Variants in KCNH5 observed in about 807,000 individuals in gnomAD.
KCNH5 encodes potassium voltage-gated channel subfamily H member 5.
A neutral mutation model predicts 96.1 loss-of-function variants in KCNH5; 46 were observed. The ratio of observed to expected loss-of-function variants is 0.48; its 90% CI spans 0.38 to 0.61. The LOEUF is 0.61. Among genes scored for constraint, KCNH5 ranks in the 20% least tolerant of loss-of-function variants. The pLI, the probability that KCNH5 is intolerant of heterozygous loss-of-function variation, is 0.00. For synonymous variants in KCNH5, 439 were observed against 449.8 expected, an observed-to-expected ratio of 0.98 and a Z score of 0.30; for missense variants, 907 against 1,225.8, an observed-to-expected ratio of 0.74 and a Z score of 3.88.
Position 63,022,934 on chromosome 14 carries a change from G to A in KCNH5, c.74-5980C>T, listed in dbSNP as rs187255054. ...AATTAATGTATATCTGGCCAGGCAC[G>A]GTGACTCACACTTGTAATCCCAGCA... On this transcript the variant is annotated intron_variant, in intron 1 of 10. Coordinates refer to ENST00000322893, the MANE Select transcript of KCNH5 (RefSeq NM_139318.5). Among the ~76,000 whole-genome samples, 133 of 152,112 alleles carry A rather than the reference G, an allele frequency of 8.7e-4. 1 individual carries two copies. Among genetic ancestry groups the A allele is most frequent in the Middle Eastern group, 3.4e-3 (1 of 294 alleles).
At chr14:62,854,410 A>G (rs770560550) in intron 7 of KCNH5, among the ~76,000 whole-genome samples, 4 of 152,212 alleles carry the variant, frequency 2.6e-5, no homozygotes, top group Non-Finnish European at 4.4e-5. Context: ...ATAAATATAC[A>G]GAAGGAATAT....
intron 7 of KCNH5, among the ~76,000 whole-genome samples, chr14:62,945,978 G>T (rs1889879708): frequency 1.3e-5 from 2 of 152,014 alleles, no homozygotes; most frequent in South Asian, 4.1e-4. Context: ...CACATTGGAG[G>T]GATTTGAGCA....
intron 8 of KCNH5, among the ~76,000 whole-genome samples, chr14:62,840,698 G>A (rs1174089565): frequency 6.7e-6 from 1 of 148,862 alleles, no homozygotes; most frequent in Non-Finnish European, 1.5e-5. Context: ...AGCCTCCGAA[G>A]TAGCTGGATT....
At chr14:62,999,844 C>T (rs1480645282) in intron 4 of KCNH5, among the ~76,000 whole-genome samples, 4 of 148,442 alleles carry the variant, frequency 2.7e-5, no homozygotes, top group African/African-American at 1.0e-4. Flanking sequence ...GCACATGTAC[C>T]CTAAAACTTA....
At chr14:62,856,277 A>G (rs371689213) in intron 7 of KCNH5, among the ~76,000 whole-genome samples, 10 of 152,118 alleles carry the variant, frequency 6.6e-5, no homozygotes, top group African/African-American at 2.4e-4. Flanking sequence ...GCATCTCTCC[A>G]TCTCCTTATT....
chr14:62,976,936 G>A (rs970640575), intron 6 of KCNH5, among the ~76,000 whole-genome samples: 1 of 152,158 alleles, frequency 6.6e-6, no homozygotes, highest in African/African-American at 2.4e-5. Flanking sequence ...AGAACTTTGT[G>A]GTTGAATTAG....
intron 7 of KCNH5, among the ~76,000 whole-genome samples, chr14:62,851,809 T>C (rs1887812796): frequency 6.6e-6 from 1 of 152,140 alleles, no homozygotes; most frequent in African/African-American, 2.4e-5. Flanking sequence ...TTTGGCTCTC[T>C]AAGATGCTTG....
At position 62,862,806 on chromosome 14, in the gene KCNH5, G is replaced by T. The variant is rs981314851; in HGVS notation, c.1370-12954C>A. 5.9e-5 allele frequency among the ~76,000 whole-genome samples: 9 copies of T among 152,160 alleles called. 1 individual carries two copies. The highest frequency in any genetic ancestry group is 2.2e-4 in the African/African-American group (9 of 41,428). ...CCAACTAATGCATCAGCTAAATGTAGCTGCCTGAGGAAACCCAAGCTAAAT... is the reference window on the plus strand; with the variant it reads ...CCAACTAATGCATCAGCTAAATGTATCTGCCTGAGGAAACCCAAGCTAAAT... On this transcript the variant is annotated intron_variant, in intron 7 of 10. Coordinates refer to ENST00000322893, the MANE Select transcript of KCNH5 (RefSeq NM_139318.5).
chr14:62,948,931 C>T (rs1265703939), intron 7 of KCNH5, among the ~76,000 whole-genome samples: 5 of 150,518 alleles, frequency 3.3e-5, no homozygotes, highest in Admixed American at 1.3e-4. Flanking sequence ...TCAATAGATG[C>T]AGAAAAGGCC....
chr14:62,949,160 G>C (rs1889951725), intron 7 of KCNH5, among the ~76,000 whole-genome samples: 2 of 152,100 alleles, frequency 1.3e-5, no homozygotes, highest in Admixed American at 1.3e-4. Context: ...TTCTGGCCAG[G>C]GCAATTAGGC....
At chr14:62,915,724 A>G (rs2080046162) in intron 7 of KCNH5, among the ~76,000 whole-genome samples, 1 of 152,196 alleles carries the variant, frequency 6.6e-6, no homozygotes, top group Non-Finnish European at 1.5e-5. Context: ...TCAGTGCTTA[A>G]AAACAGTAAT....
At chr14:62,932,704 A>C (rs2140116938) in intron 7 of KCNH5, among the ~76,000 whole-genome samples, 1 of 152,266 alleles carries the variant, frequency 6.6e-6, no homozygotes, top group South Asian at 2.1e-4. Flanking sequence ...AATACTGGGA[A>C]CTAAAAAAAG....
At position 62,701,269 on chromosome 14, in the gene KCNH5, G is replaced by C. The variant is rs921521988; in HGVS notation, c.*6239C>G. 6.6e-6 allele frequency: 1 copy of C among 152,074 alleles called. No individual in the cohort carries two copies. Among genetic ancestry groups the C allele is most frequent in the Non-Finnish European group, 1.5e-5 (1 of 67,994 alleles). 9.4% of individuals were successfully genotyped at this position (152,074 alleles called of 1,614,324 possible). On this transcript the variant is annotated 3_prime_UTR_variant, in exon 11 of 11. Coordinates refer to ENST00000322893, the MANE Select transcript of KCNH5 (RefSeq NM_139318.5). The stretch of plus-strand genomic sequence containing the variant: ...ACAAGCTTTCAAACTGCTTCCAAAG[G>C]TTTTTGTTAAAACCTTAATGACAAT...
At chr14:62,966,693 A>C (rs75045782) in intron 6 of KCNH5, among the ~76,000 whole-genome samples, 2 of 152,074 alleles carry the variant, frequency 1.3e-5, no homozygotes, top group Non-Finnish European at 1.5e-5. Flanking sequence ...AGACCTATTA[A>C]CTCTTTAGTG....
Position 62,708,464 on chromosome 14 carries a change from C to A in KCNH5, c.2020-9G>T, listed in dbSNP as rs1414902567. 5 of 1,556,188 alleles carry A rather than the reference C, an allele frequency of 3.2e-6. No homozygotes were observed. Among genetic ancestry groups the A allele is most frequent in the Non-Finnish European group, 3.5e-6 (4 of 1,144,528 alleles). The stretch of plus-strand genomic sequence containing the variant: ...ATCTTACGAAAGATGATCTGTGGAA[C>A]GGGAGAGATAGTCACAGCCTGATTA... On this transcript the variant is annotated splice_polypyrimidine_tract_variant and intron_variant, in intron 10 of 10. Transcript: ENST00000322893.
At chr14:62,745,561 A>C (rs561305153) in intron 10 of KCNH5, among the ~76,000 whole-genome samples, 29 of 152,270 alleles carry the variant, frequency 1.9e-4, no homozygotes, top group African/African-American at 6.5e-4. Context: ...CAATCCCTGG[A>C]ATAAGGACTT....
At chr14:63,034,870 T>C (rs766061770) in intron 1 of KCNH5, among the ~76,000 whole-genome samples, 1 of 152,222 alleles carries the variant, frequency 6.6e-6, no homozygotes, top group Non-Finnish European at 1.5e-5. Flanking sequence ...TGTTTAACAA[T>C]TCAATGTTTC....
chr14:62,993,088 T>C (rs757829767), intron 4 of KCNH5, among the ~76,000 whole-genome samples: 1 of 152,112 alleles, frequency 6.6e-6, no homozygotes, highest in Non-Finnish European at 1.5e-5. Flanking sequence ...CCCCAATATA[T>C]GTTCTTATTG....
intron 10 of KCNH5, among the ~76,000 whole-genome samples, chr14:62,772,927 G>A (rs192539926): frequency 2.6e-5 from 4 of 152,306 alleles, no homozygotes; most frequent in Admixed American, 2.6e-4. Context: ...CCTGTCCACT[G>A]ACTCTGAACA....
Sources: gnomAD v4.1 joint callset for allele counts (sites outside exome capture counted in the v4.1 genomes callset) on GRCh38, gnomAD v4.1.1 for gene constraint, MANE v1.5 for transcripts, NCBI Gene and HGNC (gene_info 2026-07-23, HGNC 2026-07-21) for gene names.